The following TIMP3 variants were observed in gnomAD, a reference collection of about 807,000 sequenced individuals.
TIMP3 encodes the protein metalloproteinase inhibitor 3.
Under a neutral mutation model 30.0 loss-of-function variants are expected in TIMP3, and 11 were observed. That is an observed-to-expected ratio of 0.37 (90% confidence interval 0.23 to 0.61). The LOEUF (loss-of-function observed/expected upper bound fraction) is 0.61. Ranked by LOEUF, TIMP3 falls within the 20% of genes least tolerant of loss-of-function variation. The probability of loss-of-function intolerance (pLI) is 0.70; values close to 1 mark genes in which losing one functional copy is unlikely to be tolerated. For synonymous variants in TIMP3, 112 were observed against 111.3 expected, an observed-to-expected ratio of 1.01 and a Z score of -0.04; for missense variants, 181 against 276.8, an observed-to-expected ratio of 0.65 and a Z score of 2.45.
intron 1 of TIMP3, among the ~76,000 whole-genome samples, chr22:32,835,262 ACCTACTATGTTCCAGACACTG>A (rs1465542011): frequency 6.6e-6 from 1 of 152,192 alleles, no homozygotes; most frequent in Non-Finnish European, 1.5e-5. Flanking sequence ...CCCACTGAGC[ACCTACTATGTTCCAGACACTG>A]TGAGATGTTG....
intron 1 of TIMP3, among the ~76,000 whole-genome samples, chr22:32,823,471 G>A (rs2146078877): frequency 6.6e-6 from 1 of 152,238 alleles, no homozygotes; most frequent in East Asian, 1.9e-4. Flanking sequence ...GATGCAGTGG[G>A]CCGTCTGTGT....
At chr22:32,838,037 G>A (rs1325941802) in intron 1 of TIMP3, among the ~76,000 whole-genome samples, 1 of 152,188 alleles carries the variant, frequency 6.6e-6, no homozygotes, top group Non-Finnish European at 1.5e-5. Flanking sequence ...CTGGCTGGGT[G>A]TGTCTGCTGC....
chr22:32,862,758 G>A lies in TIMP3; in HGVS notation c.*3381G>A, dbSNP rs528951412. 1 of 152,598 alleles carries A rather than the reference G, an allele frequency of 6.6e-6. No individual in the cohort carries two copies. Among genetic ancestry groups the A allele is most frequent in the Non-Finnish European group, 1.5e-5 (1 of 68,042 alleles). 9.5% of individuals were successfully genotyped at this position (152,598 alleles called of 1,614,324 possible). On this transcript the variant is annotated 3_prime_UTR_variant, in exon 5 of 5. Transcript: ENST00000266085. ...AACTTGGAGAATAGTTTTTGCTTTG[G>A]GGGTAGAGGCTTCTTAGATTCTCCC...
chr22:32,841,124 C>T (rs138311666), intron 1 of TIMP3, among the ~76,000 whole-genome samples: 39 of 152,344 alleles, frequency 2.6e-4, no homozygotes, highest in Admixed American at 3.3e-4. Flanking sequence ...AGAAATCACA[C>T]GTAGCTTCCC....
chr22:32,832,904 C>T (rs1218036368), intron 1 of TIMP3, among the ~76,000 whole-genome samples: 4 of 151,378 alleles, frequency 2.6e-5, no homozygotes, highest in African/African-American at 9.7e-5. Flanking sequence ...ATTTTTTTTT[C>T]GTGGTTTTCG....
At chr22:32,838,009 C>T (rs1432274898) in intron 1 of TIMP3, among the ~76,000 whole-genome samples, 1 of 152,186 alleles carries the variant, frequency 6.6e-6, no homozygotes, top group East Asian at 1.9e-4. Flanking sequence ...CAGGATGTCT[C>T]CCTCCGGCGC....
chr22:32,849,345 G>C, intron 1 of TIMP3, 107 bp from the exon 2 acceptor site: 1 of 883,890 alleles, frequency 1.1e-6, no homozygotes, highest in South Asian at 1.4e-5. Flanking sequence ...TCCAAGGTAA[G>C]AGTGCAATTC....
intron 1 of TIMP3, among the ~76,000 whole-genome samples, chr22:32,815,824 A>G (rs2047075288): frequency 6.6e-6 from 1 of 152,144 alleles, no homozygotes; most frequent in African/African-American, 2.4e-5. Flanking sequence ...AGTCCGAGCA[A>G]TCTCACCAAT....
intron 1 of TIMP3, among the ~76,000 whole-genome samples, chr22:32,816,049 C>T (rs572599144): frequency 7.2e-5 from 11 of 152,188 alleles, no homozygotes; most frequent in African/African-American, 2.7e-4. Flanking sequence ...AAAGCAGGCT[C>T]GTCTCCTCTG....
At chr22:32,806,833 T>C (rs564417650) in intron 1 of TIMP3, among the ~76,000 whole-genome samples, 1 of 152,290 alleles carries the variant, frequency 6.6e-6, no homozygotes, top group East Asian at 1.9e-4. Flanking sequence ...AGTAAAATCC[T>C]TTCTGATTAC....
chr22:32,824,906 C>G (rs1012589059), intron 1 of TIMP3, among the ~76,000 whole-genome samples: 2 of 152,188 alleles, frequency 1.3e-5, no homozygotes, highest in African/African-American at 4.8e-5. Context: ...AAGGAGCACA[C>G]AGAAGGCAGA....
chr22:32,850,620 G>A (rs566702727), intron 2 of TIMP3, among the ~76,000 whole-genome samples: 64 of 152,276 alleles, frequency 4.2e-4, no homozygotes, highest in Non-Finnish European at 7.5e-4. Context: ...GGAGAGAAGA[G>A]GCAGGTATGT....
At chr22:32,824,556 T>C (rs982947602) in intron 1 of TIMP3, among the ~76,000 whole-genome samples, 6 of 152,072 alleles carry the variant, frequency 3.9e-5, no homozygotes, top group Non-Finnish European at 8.8e-5. Flanking sequence ...AGTGTATATA[T>C]GTATATATTT....
At chr22:32,807,365 A>G (rs2046780501) in intron 1 of TIMP3, among the ~76,000 whole-genome samples, 1 of 86,308 alleles carries the variant, frequency 1.2e-5, no homozygotes. Flanking sequence ...AATATATAAT[A>G]TATATTATAT....
In TIMP3 at chr22:32,849,543, T is replaced by A; in HGVS notation, c.204+9T>A. The A allele has an allele frequency of 1.2e-6, 2 of 1,612,376 alleles. No homozygotes were observed. Reference sequence around the variant, plus strand: ...CCATCAAGCAGATGAAGGTAGGTAATGTCATCACCCTGGCTCCGGGAAGGT... The same window carrying A: ...CCATCAAGCAGATGAAGGTAGGTAAAGTCATCACCCTGGCTCCGGGAAGGT... On this transcript the variant is annotated intron_variant, in intron 2 of 4. Coordinates refer to ENST00000266085, the MANE Select transcript of TIMP3 (RefSeq NM_000362.5).
intron 1 of TIMP3, among the ~76,000 whole-genome samples, chr22:32,844,241 C>T (rs2047998549): frequency 6.6e-6 from 1 of 152,136 alleles, no homozygotes; most frequent in Admixed American, 6.6e-5. Context: ...GAGGGCAGCT[C>T]AAGGGTATCT....
chr22:32,807,841 G>A (rs191799801), intron 1 of TIMP3, among the ~76,000 whole-genome samples: 10 of 152,112 alleles, frequency 6.6e-5, no homozygotes, highest in Admixed American at 6.5e-4. Context: ...CTCCACAGTG[G>A]CTGTGTTAAC....
chr22:32,859,402 T>A lies in TIMP3; in HGVS notation c.*25T>A. 6.3e-7 allele frequency: 1 copy of A among 1,596,702 alleles called. No homozygotes were observed. The highest frequency in any genetic ancestry group is 8.5e-7 in the Non-Finnish European group (1 of 1,176,022). ...AGCGCCAGACCCTGCCCCACCTCAC[T>A]TCCCTCCCTTCCCGCTGAGCTTCCC... On this transcript the variant is annotated 3_prime_UTR_variant, in exon 5 of 5. Transcript: ENST00000266085.
chr22:32,858,061 G>T lies in TIMP3; in HGVS notation c.361G>T (p.Val121Leu), dbSNP rs145285380. ...GKMYTGLCNF[V>L]ERWDQLTLSQ... ...GATGTACACGGGGCTGTGCAACTTC[G>T]TGGAGAGGTGGGACCAGCTCACCCT... is the stretch of plus-strand genomic sequence containing the variant. Residue 121 changes from valine (V) to leucine (L), a missense_variant, in exon 4 of 5, where the codon GTG (valine) becomes TTG (leucine). By Grantham distance (32) the Val-to-Leu change is conservative (BLOSUM62 1). This residue lies in a region of TIMP3 where 63 missense variants were observed against 133.3 expected (regional missense o/e 0.47). Coordinates refer to ENST00000266085, the MANE Select transcript of TIMP3 (RefSeq NM_000362.5). The T allele has an allele frequency of 6.2e-7, 1 of 1,614,172 alleles. No homozygotes were observed. Among genetic ancestry groups the T allele is most frequent in the South Asian group, 1.1e-5 (1 of 91,084 alleles).
Sources: gnomAD v4.1 joint callset for allele counts (sites outside exome capture counted in the v4.1 genomes callset) on GRCh38, gnomAD v4.1.1 for gene constraint, gnomAD v4.1.1 regional missense constraint, MANE v1.5 for transcripts, NCBI Gene and HGNC (gene_info 2026-07-23, HGNC 2026-07-21) for gene names.